Variants in FGF14 observed in about 807,000 individuals in gnomAD.
FGF14 encodes fibroblast growth factor 14.
A neutral mutation model predicts 25.5 loss-of-function variants in FGF14; 5 were observed. The ratio of observed to expected loss-of-function variants is 0.20; its 90% CI spans 0.10 to 0.41. FGF14 has a LOEUF of 0.41. FGF14 is among the 10% of genes least tolerant of loss of function. The probability of loss-of-function intolerance (pLI) is 1.00; values close to 1 mark genes in which losing one functional copy is unlikely to be tolerated. For missense variants in FGF14, 222 were observed against 320.1 expected, an observed-to-expected ratio of 0.69 and a Z score of 2.34; for synonymous variants, 138 against 118.3, an observed-to-expected ratio of 1.17 and a Z score of -1.08.
chr13:101,897,311 A>G (rs1332169650), intron 1 of FGF14, among the ~76,000 whole-genome samples: 1 of 152,224 alleles, frequency 6.6e-6, no homozygotes, highest in African/African-American at 2.4e-5. Context: ...GGATATTAAG[A>G]TTAGAGCAGC....
intron 1 of FGF14, among the ~76,000 whole-genome samples, chr13:102,223,449 C>G (rs1405272972): frequency 6.6e-6 from 1 of 152,124 alleles, no homozygotes; most frequent in African/African-American, 2.4e-5. Flanking sequence ...CTCTTGTCAG[C>G]TTTGTGGTTT....
chr13:101,779,836 A>C (rs1566891429), intron 3 of FGF14, among the ~76,000 whole-genome samples: 2 of 152,238 alleles, frequency 1.3e-5, no homozygotes, highest in Non-Finnish European at 2.9e-5. Flanking sequence ...ACTTTCTAGC[A>C]AACAATAATG....
chr13:102,210,375 C>T (rs1332036090), intron 1 of FGF14, among the ~76,000 whole-genome samples: 2 of 151,960 alleles, frequency 1.3e-5, no homozygotes, highest in African/African-American at 4.8e-5. Context: ...ACGGTAGTTT[C>T]CAGATATAAT....
chr13:101,845,386 G>C (rs544454380), intron 3 of FGF14, among the ~76,000 whole-genome samples: 1 of 151,914 alleles, frequency 6.6e-6, no homozygotes, highest in Non-Finnish European at 1.5e-5. Context: ...ATAACAGCTG[G>C]GTAGGGAGAA....
In FGF14 at chr13:101,715,844, A is replaced by G. The variant is rs1801803; in HGVS notation, c.*6987T>C. On this transcript the variant is annotated 3_prime_UTR_variant, in exon 5 of 5. Transcript: ENST00000376143. ...TTATGCAAATTTAGATGCAAATAAC[A>G]TTAGAAAAAAAAGATTCTTCCATAA... is the stretch of plus-strand genomic sequence containing the variant. The G allele has an allele frequency of 0.061, 28,459 of 462,896 alleles. 1,434 individuals carry two copies. Among genetic ancestry groups the G allele is most frequent in the African/African-American group, 0.19 (9,632 of 50,126 alleles). The allele number at this position is 462,896 out of a possible 1,614,324, so 28.7% of individuals were successfully genotyped here.
At chr13:102,353,060 A>G (rs576092722) in intron 1 of FGF14, among the ~76,000 whole-genome samples, 2 of 152,324 alleles carry the variant, frequency 1.3e-5, no homozygotes, top group South Asian at 4.1e-4. Flanking sequence ...TGCCTTGTCT[A>G]TAATAATTGG....
intron 3 of FGF14, among the ~76,000 whole-genome samples, chr13:101,833,036 A>AG (rs2140288443): frequency 6.6e-6 from 1 of 152,166 alleles, no homozygotes; most frequent in African/African-American, 2.4e-5. Flanking sequence ...GAAAAGCAGT[A>AG]GTTCACCGCC....
intron 1 of FGF14, chr13:102,395,797 A>G (rs2058567511): frequency 6.6e-6 from 1 of 152,232 alleles, no homozygotes; most frequent in South Asian, 2.1e-4. Flanking sequence ...TGATGTTACC[A>G]GACTAATCAA....
intron 1 of FGF14, among the ~76,000 whole-genome samples, chr13:102,091,550 C>T: frequency 1.3e-5 from 2 of 152,148 alleles, no homozygotes; most frequent in Non-Finnish European, 2.9e-5. Flanking sequence ...TAATTGTCTC[C>T]TTCTTCCCTC....
intron 1 of FGF14, among the ~76,000 whole-genome samples, chr13:102,099,942 G>A (rs990157847): frequency 7.9e-5 from 12 of 152,178 alleles, no homozygotes; most frequent in Admixed American, 7.2e-4. Flanking sequence ...TTATTTAGGT[G>A]TGGAGGAGTC....
intron 3 of FGF14, among the ~76,000 whole-genome samples, chr13:101,815,638 C>T (rs1445852844): frequency 1.3e-5 from 2 of 150,822 alleles, no homozygotes; most frequent in East Asian, 1.9e-4. Flanking sequence ...TGACTCCCTT[C>T]AATGACTTAA....
intron 3 of FGF14, among the ~76,000 whole-genome samples, chr13:101,742,605 G>T (rs1396274529): frequency 6.6e-6 from 1 of 152,050 alleles, no homozygotes; most frequent in South Asian, 2.1e-4. Context: ...CATGAGGATT[G>T]GCAGTTTTTG....
chr13:101,930,807 T>C (rs1594758642), intron 1 of FGF14, among the ~76,000 whole-genome samples: 1 of 152,222 alleles, frequency 6.6e-6, no homozygotes, highest in East Asian at 1.9e-4. Context: ...GGCTAGTTTG[T>C]TAAATCCACA....
chr13:102,202,093 C>A lies in FGF14; in HGVS notation c.208+199378G>T, dbSNP rs958515859. ...CCTGCCATGTGAAGTGCTGCCTCCC[C>A]CTTCGCCTTCACCGCGACTGTAAGT... On this transcript the variant is annotated intron_variant, in intron 1 of 4. Transcript: ENST00000376131. 8.5e-5 allele frequency among the ~76,000 whole-genome samples: 13 copies of A among 152,160 alleles called. No homozygotes were observed. In the East Asian group the frequency reaches 1.3e-3, roughly 16 times the overall value.
chr13:101,759,792 G>A (rs2037896999), intron 3 of FGF14, among the ~76,000 whole-genome samples: 2 of 152,106 alleles, frequency 1.3e-5, no homozygotes, highest in African/African-American at 2.4e-5. Flanking sequence ...TTGGGTGGGA[G>A]CTATTACTGT....
chr13:102,267,332 G>T (rs950756885), intron 1 of FGF14, among the ~76,000 whole-genome samples: 5 of 152,208 alleles, frequency 3.3e-5, no homozygotes, highest in South Asian at 4.1e-4. Flanking sequence ...GTGTGGTGGA[G>T]AAAAAGCAAA....
chr13:101,773,493 G>A lies in FGF14; in HGVS notation c.409-46683C>T, dbSNP rs560620126. 2.6e-5 allele frequency among the ~76,000 whole-genome samples: 4 copies of A among 152,158 alleles called. No homozygotes were observed. In the South Asian group the frequency reaches 8.3e-4, roughly 32 times the overall value. On this transcript the variant is annotated intron_variant, in intron 3 of 4. Transcript: ENST00000376143. ...ACAGAAACTGAGAGGAAGATCTAAT[G>A]TGTGAGAAATGATAAAATAAGAGTT...
intron 1 of FGF14, among the ~76,000 whole-genome samples, chr13:102,360,086 T>C (rs1227758085): frequency 6.6e-6 from 1 of 152,198 alleles, no homozygotes; most frequent in Non-Finnish European, 1.5e-5. Flanking sequence ...TATGGATTCA[T>C]TACTCATTTG....
At chr13:102,154,985 A>C (rs1462061147) in intron 1 of FGF14, among the ~76,000 whole-genome samples, 3 of 152,176 alleles carry the variant, frequency 2.0e-5, no homozygotes, top group African/African-American at 4.8e-5. Flanking sequence ...TATATGCACC[A>C]AATACAGGAG....
Sources: gnomAD v4.1 joint callset for allele counts (sites outside exome capture counted in the v4.1 genomes callset) on GRCh38, gnomAD v4.1.1 for gene constraint, MANE v1.5 for transcripts, NCBI Gene and HGNC (gene_info 2026-07-23, HGNC 2026-07-21) for gene names.